Variants in DOCK2 observed in about 807,000 individuals in gnomAD.
DOCK2 encodes dedicator of cytokinesis protein 2.
DOCK2 carries 87 observed loss-of-function variants against 248.9 expected under a neutral mutation model. The ratio of observed to expected loss-of-function variants is 0.35; its 90% CI spans 0.29 to 0.42. The LOEUF (loss-of-function observed/expected upper bound fraction) is 0.42, where lower values mean the gene tolerates loss of function less well. Among genes scored for constraint, DOCK2 ranks in the 10% least tolerant of loss-of-function variants. The pLI, the probability that DOCK2 is intolerant of heterozygous loss-of-function variation, is 1.00. For synonymous variants in DOCK2, 805 were observed against 821.6 expected, an observed-to-expected ratio of 0.98 and a Z score of 0.35; for missense variants, 1,747 against 2,300.2, an observed-to-expected ratio of 0.76 and a Z score of 4.92.
intron 22 of DOCK2, among the ~76,000 whole-genome samples, chr5:169,744,817 T>C (rs2113679896): frequency 6.6e-6 from 1 of 152,282 alleles, no homozygotes; most frequent in East Asian, 1.9e-4. Flanking sequence ...AGGGTAGGAT[T>C]GGACAGGCCA....
chr5:169,885,469 G>A (rs976014429), intron 27 of DOCK2, among the ~76,000 whole-genome samples: 5 of 152,166 alleles, frequency 3.3e-5, no homozygotes, highest in South Asian at 2.1e-4. Flanking sequence ...CTGTGAACTC[G>A]TTCTGCTATG....
At chr5:170,066,253 A>G (rs1757491508) in intron 44 of DOCK2, among the ~76,000 whole-genome samples, 1 of 152,122 alleles carries the variant, frequency 6.6e-6, no homozygotes, top group Non-Finnish European at 1.5e-5. Flanking sequence ...AGCTATATTT[A>G]TTTCAGACAA....
At chr5:169,711,253 A>G (rs1761568472) in intron 15 of DOCK2, among the ~76,000 whole-genome samples, 2 of 152,200 alleles carry the variant, frequency 1.3e-5, no homozygotes, top group African/African-American at 2.4e-5. Context: ...ATTGGCCTGA[A>G]TCTCAGATTG....
At chr5:170,082,580 G>A (rs1241129437) in intron 51 of DOCK2, among the ~76,000 whole-genome samples, 2 of 152,190 alleles carry the variant, frequency 1.3e-5, no homozygotes, top group African/African-American at 4.8e-5. Context: ...GGTTTGGTAA[G>A]TGAGGTGCCC....
At chr5:170,055,907 A>G (rs1225426413) in intron 42 of DOCK2, among the ~76,000 whole-genome samples, 1 of 152,250 alleles carries the variant, frequency 6.6e-6, no homozygotes, top group Non-Finnish European at 1.5e-5. Flanking sequence ...ATCAGATTGC[A>G]AAGTCACTGA....
chr5:169,987,081 C>T, intron 29 of DOCK2, among the ~76,000 whole-genome samples: 1 of 152,158 alleles, frequency 6.6e-6, no homozygotes, highest in Non-Finnish European at 1.5e-5. Flanking sequence ...GCTCAAATAG[C>T]AATGTAGGGA....
intron 27 of DOCK2, among the ~76,000 whole-genome samples, chr5:169,949,207 G>A (rs1776563437): frequency 6.6e-6 from 1 of 152,178 alleles, no homozygotes; most frequent in African/African-American, 2.4e-5. Context: ...AACTCCACAA[G>A]CATTTGCTGC....
At chr5:169,898,100 C>T (rs1773714599) in intron 27 of DOCK2, among the ~76,000 whole-genome samples, 1 of 152,182 alleles carries the variant, frequency 6.6e-6, no homozygotes, top group Admixed American at 6.5e-5. Flanking sequence ...CTGCCACCAA[C>T]CTTCTTGTGT....
rs758620891 is a variant in DOCK2, at chr5:169,764,420, C to T, written c.2554+2795C>T. On this transcript the variant is annotated intron_variant, in intron 25 of 51. Coordinates refer to ENST00000520908, the MANE Select transcript of DOCK2 (RefSeq NM_004946.3). The surrounding 1 kb of genome is among the most constrained non-coding windows in gnomAD (Gnocchi z 4.3). ...GGTGGTTCTTGGGTCACACTAGACC[C>T]GAGTTTACTTCCTGGTTCAGCTTTT... 6.6e-6 allele frequency among the ~76,000 whole-genome samples: 1 copy of T among 152,108 alleles called. No homozygotes were observed. The highest frequency in any genetic ancestry group is 1.5e-5 in the Non-Finnish European group (1 of 68,010).
Position 169,839,706 on chromosome 5 carries a change from C to T in DOCK2, c.2704-1051C>T, listed in dbSNP as rs755560629. 3.2e-3 allele frequency among the ~76,000 whole-genome samples: 491 copies of T among 152,314 alleles called. 1 individual carries two copies. Among genetic ancestry groups the T allele is most frequent in the Non-Finnish European group, 6.0e-3 (405 of 68,026 alleles). ...TACAACCTGACTCACTGTAAATTTC[C>T]ACCCAAGGTGGGTAATGTGGCTTCT... On this transcript the variant is annotated intron_variant, in intron 26 of 51. Coordinates refer to ENST00000520908, the MANE Select transcript of DOCK2 (RefSeq NM_004946.3).
At chr5:169,856,545 G>A (rs1770907075) in intron 27 of DOCK2, among the ~76,000 whole-genome samples, 1 of 152,186 alleles carries the variant, frequency 6.6e-6, no homozygotes. Context: ...GATGTTTTGT[G>A]TTGCTTTGAT....
intron 26 of DOCK2, among the ~76,000 whole-genome samples, chr5:169,822,951 C>A (rs1768569808): frequency 6.6e-6 from 1 of 152,024 alleles, no homozygotes; most frequent in Non-Finnish European, 1.5e-5. Flanking sequence ...ACCACCGATC[C>A]CACAGAAATT....
At chr5:169,817,285 G>C (rs531790136) in intron 26 of DOCK2, among the ~76,000 whole-genome samples, 1 of 152,160 alleles carries the variant, frequency 6.6e-6, no homozygotes, top group Non-Finnish European at 1.5e-5. Flanking sequence ...GGCCTTTCTG[G>C]CACATGTTGA....
At chr5:169,866,734 ACTGT>A (rs1187185953) in intron 27 of DOCK2, among the ~76,000 whole-genome samples, 1 of 150,972 alleles carries the variant, frequency 6.6e-6, no homozygotes, top group South Asian at 2.1e-4. Context: ...TCACATACTG[ACTGT>A]CTATTTCAGG....
intron 2 of DOCK2, among the ~76,000 whole-genome samples, chr5:169,666,646 G>A (rs1758751378): frequency 6.6e-6 from 1 of 152,164 alleles, no homozygotes; most frequent in Admixed American, 6.6e-5. Context: ...AGTGGTCAGA[G>A]ATAAATGACC....
intron 46 of DOCK2, among the ~76,000 whole-genome samples, chr5:170,070,555 C>T (rs148241601): frequency 2.6e-5 from 4 of 152,288 alleles, no homozygotes; most frequent in Non-Finnish European, 4.4e-5. Context: ...CTTCTGGGGT[C>T]GTCATGCCCT....
intron 3 of DOCK2, among the ~76,000 whole-genome samples, chr5:169,670,341 C>A (rs1758978097): frequency 6.6e-6 from 1 of 152,136 alleles, no homozygotes; most frequent in African/African-American, 2.4e-5. Flanking sequence ...TGATGGAGAA[C>A]TGGAGGGAAA....
At chr5:169,978,068 C>A (rs776807129) in intron 27 of DOCK2, among the ~76,000 whole-genome samples, 1 of 152,124 alleles carries the variant, frequency 6.6e-6, no homozygotes. Context: ...CCTTCATCTC[C>A]TCTCACTGGT....
chr5:169,987,239 T>C (rs1488656134), intron 29 of DOCK2, among the ~76,000 whole-genome samples: 1 of 152,204 alleles, frequency 6.6e-6, no homozygotes, highest in African/African-American at 2.4e-5. Context: ...TCTTTTCCTA[T>C]AGGTACAGAA....
Sources: allele counts gnomAD v4.1 joint callset (sites outside exome capture counted in the v4.1 genomes callset), GRCh38; gene constraint gnomAD v4.1.1; non-coding constraint Gnocchi (gnomAD v3.1); transcripts MANE v1.5; gene names NCBI Gene and HGNC (gene_info 2026-07-23, HGNC 2026-07-21).